The following CCDC148 variants were observed in gnomAD, a reference collection of about 807,000 sequenced individuals.
The protein encoded by CCDC148 is coiled-coil domain-containing protein 148.
In CCDC148, 89 loss-of-function variants were observed where a neutral mutation model predicts 85.7. That is an observed-to-expected ratio of 1.04 (90% CI 0.87 to 1.24). The LOEUF (loss-of-function observed/expected upper bound fraction) is 1.24. Among genes scored for constraint, CCDC148 ranks in the 50% most tolerant of loss-of-function variants. The pLI, the probability that CCDC148 is intolerant of heterozygous loss-of-function variation, is 0.00. For missense variants in CCDC148, 692 were observed against 671.7 expected, an observed-to-expected ratio of 1.03 and a Z score of -0.33; for synonymous variants, 230 against 213.9, an observed-to-expected ratio of 1.08 and a Z score of -0.66.
intron 1 of CCDC148, 43 bp downstream of exon 1, chr2:158,456,372 G>A: frequency 1.9e-6 from 3 of 1,599,568 alleles, no homozygotes; most frequent in Non-Finnish European, 1.7e-6. Context: ...GCTCAGTGAC[G>A]TCAGGAGGAA....
intron 1 of CCDC148, among the ~76,000 whole-genome samples, chr2:158,431,183 T>A (rs548782858): frequency 2.0e-4 from 31 of 151,528 alleles, no homozygotes; most frequent in African/African-American, 7.3e-4. Context: ...AAAGTCAAAA[T>A]GTTTTCAAAT....
chr2:158,172,697 C>T (rs1474664983), intron 13 of CCDC148, among the ~76,000 whole-genome samples: 2 of 152,030 alleles, frequency 1.3e-5, no homozygotes, highest in African/African-American at 4.8e-5. Context: ...CACATGGCCA[C>T]CACTTGAAAA....
chr2:158,435,436 T>C (rs1038800308), intron 1 of CCDC148, among the ~76,000 whole-genome samples: 2 of 152,284 alleles, frequency 1.3e-5, no homozygotes, highest in African/African-American at 2.4e-5. Flanking sequence ...CTGAGAGATT[T>C]TGCCACCACC....
intron 1 of CCDC148, among the ~76,000 whole-genome samples, chr2:158,386,415 C>T (rs1685089343): frequency 6.6e-6 from 1 of 152,132 alleles, no homozygotes; most frequent in Non-Finnish European, 1.5e-5. Flanking sequence ...TTAACACCTA[C>T]TGCAGTAAGC....
chr2:158,351,052 T>C (rs988252212), intron 2 of CCDC148, among the ~76,000 whole-genome samples: 2 of 152,118 alleles, frequency 1.3e-5, no homozygotes, highest in Non-Finnish European at 2.9e-5. Flanking sequence ...AATCACTTCC[T>C]CAGAAAAGCC....
At position 158,220,698 on chromosome 2, in the gene CCDC148, C is replaced by T. The variant is rs377390004; in HGVS notation, c.1267G>A (p.Ala423Thr). 3.2e-6 allele frequency: 5 copies of T among 1,580,226 alleles called. No homozygotes were observed. Among genetic ancestry groups the T allele is most frequent in the Non-Finnish European group, 4.3e-6 (5 of 1,170,510 alleles). ...TCTTGCCACTTCTGTTTTTTCTTGG[C>T]CCAGTATTTTTTTATCTATTGTATA... ...EKKKKIKKYW[A>T]KKKQKWQEME... is the part of the protein sequence containing the mutation. The change falls in exon 11 of 14, where the codon GCC (alanine) becomes ACC (threonine). Residue 423 changes from alanine (A) to threonine (T), a missense_variant. Ala to Thr is a moderately conservative substitution (Grantham distance 58). Transcript: ENST00000283233.
intron 9 of CCDC148, among the ~76,000 whole-genome samples, chr2:158,274,248 A>T (rs1689824537): frequency 6.6e-6 from 1 of 152,194 alleles, no homozygotes; most frequent in South Asian, 2.1e-4. Flanking sequence ...TTCACCCCAG[A>T]ATCGGCAGTT....
chr2:158,248,744 A>G (rs1688672616), intron 10 of CCDC148, among the ~76,000 whole-genome samples: 1 of 152,164 alleles, frequency 6.6e-6, no homozygotes, highest in South Asian at 2.1e-4. Context: ...CACATCTTGC[A>G]TTCTAAGATG....
At chr2:158,182,013 A>G (rs1056616955) in intron 11 of CCDC148, among the ~76,000 whole-genome samples, 2 of 152,010 alleles carry the variant, frequency 1.3e-5, no homozygotes. Flanking sequence ...AAATCAACAG[A>G]AAGTTTTCAT....
At chr2:158,404,420 C>T (rs1054484472) in intron 1 of CCDC148, among the ~76,000 whole-genome samples, 12 of 151,992 alleles carry the variant, frequency 7.9e-5, no homozygotes, top group African/African-American at 2.4e-4. Context: ...AAGGAGGAAG[C>T]GCTTGAGTGA....
intron 11 of CCDC148, among the ~76,000 whole-genome samples, chr2:158,195,046 G>A (rs16842742): frequency 6.6e-6 from 1 of 151,514 alleles, no homozygotes; most frequent in Non-Finnish European, 1.5e-5. Flanking sequence ...GCTGGTCCTG[G>A]GTCCATCTGA....
At chr2:158,311,227 C>T (rs953144406) in intron 8 of CCDC148, among the ~76,000 whole-genome samples, 4 of 152,190 alleles carry the variant, frequency 2.6e-5, no homozygotes, top group Non-Finnish European at 4.4e-5. Context: ...CCCGGCACCT[C>T]GGGAGGCCGA....
chr2:158,255,005 A>C (rs1487849027), intron 9 of CCDC148, among the ~76,000 whole-genome samples: 1 of 151,400 alleles, frequency 6.6e-6, no homozygotes, highest in African/African-American at 2.4e-5. Flanking sequence ...AAAAAAAGAT[A>C]AAGTTATGTT....
At chr2:158,298,146 T>G (rs1236560691) in intron 9 of CCDC148, among the ~76,000 whole-genome samples, 1 of 152,132 alleles carries the variant, frequency 6.6e-6, no homozygotes, top group Non-Finnish European at 1.5e-5. Context: ...GAGAACTCAC[T>G]CAGTAATAGG....
chr2:158,192,462 C>A (rs1685467451), intron 11 of CCDC148, among the ~76,000 whole-genome samples: 1 of 151,188 alleles, frequency 6.6e-6, no homozygotes, highest in South Asian at 2.1e-4. Context: ...GTTTACTAAG[C>A]AAATCATGGT....
At chr2:158,443,529 G>GAAAAAAAA (rs1688036243) in intron 1 of CCDC148, among the ~76,000 whole-genome samples, 1 of 141,916 alleles carries the variant, frequency 7.0e-6, no homozygotes, top group Admixed American at 7.0e-5. Context: ...AAAAAGAAAA[G>GAAAAAAAA]GAAAAAAAGT....
intron 1 of CCDC148, among the ~76,000 whole-genome samples, chr2:158,428,276 C>T (rs754782776): frequency 6.6e-6 from 1 of 152,084 alleles, no homozygotes; most frequent in African/African-American, 2.4e-5. Flanking sequence ...GGTAAAACTA[C>T]AGAACTTGCT....
chr2:158,314,800 C>G (rs1450305986), intron 7 of CCDC148, among the ~76,000 whole-genome samples: 2 of 152,148 alleles, frequency 1.3e-5, no homozygotes, highest in Non-Finnish European at 2.9e-5. Context: ...CAAGAGGATA[C>G]TTGTCATTGT....
intron 9 of CCDC148, among the ~76,000 whole-genome samples, chr2:158,282,206 G>A (rs1363256531): frequency 6.6e-6 from 1 of 152,010 alleles, no homozygotes; most frequent in Non-Finnish European, 1.5e-5. Context: ...CATTCCCTTT[G>A]AAAACTGGCA....
Sources: gnomAD v4.1 joint callset for allele counts (sites outside exome capture counted in the v4.1 genomes callset) on GRCh38, gnomAD v4.1.1 for gene constraint, MANE v1.5 for transcripts, NCBI Gene and HGNC (gene_info 2026-07-23, HGNC 2026-07-21) for gene names.